Variants in EFNA4 observed in about 807,000 individuals in gnomAD.
The protein encoded by EFNA4 is ephrin-A4.
A neutral mutation model predicts 23.7 loss-of-function variants in EFNA4; 22 were observed. That is an observed-to-expected ratio of 0.93 (90% CI 0.66 to 1.32). The LOEUF is 1.32. Ranked by LOEUF, EFNA4 falls within the 40% of genes most tolerant of loss-of-function variation. The pLI is 0.00. For missense variants in EFNA4, 252 were observed against 252.3 expected, an observed-to-expected ratio of 1.00 and a Z score of 0.01; for synonymous variants, 113 against 108.3, an observed-to-expected ratio of 1.04 and a Z score of -0.27.
rs115929779 is a variant in EFNA4, at chr1:155,063,961, G to T, written c.113+25G>T. ...GGTAGCCGGGCCGAACCGGGCGAGC[G>T]CACAGCCAAGTCTGCGCGCTCCCGG... On this transcript the variant is annotated intron_variant, in intron 1 of 3. Transcript: ENST00000368409. This position sits in a 1 kb window ranked among gnomAD's most constrained non-coding sequence, Gnocchi z 4.1. The T allele has an allele frequency of 1.3e-5, 20 of 1,519,010 alleles. No homozygotes were observed. The South Asian group carries it at 2.2e-4, about 17-fold the overall frequency. The allele number at this position is 1,519,010 out of a possible 1,614,324, so 94.1% of individuals were successfully genotyped here.
At chr1:155,067,089 A>G (rs1456700254) in intron 2 of EFNA4, 73 bp downstream of exon 2, 72 of 1,514,422 alleles carry the variant, frequency 4.8e-5, no homozygotes, top group Non-Finnish European at 6.3e-5. Context: ...GAGGCCTGGA[A>G]GGAGGAGGGG....
Position 155,068,975 on chromosome 1 carries a change from C to G in EFNA4, c.592C>G (p.Leu198Val). Reference sequence around the variant, plus strand: ...ACTGCTGCTTCTGATTCTTCGTCTTCTGCGAATTCTGTGAGCCAAGCAGAC... The same window carrying G: ...ACTGCTGCTTCTGATTCTTCGTCTTGTGCGAATTCTGTGAGCCAAGCAGAC... The part of the protein sequence containing the change: ...LLLLLLILRL[L>V]RIL Residue 198 changes from leucine to valine, a missense_variant, in exon 4 of 4, where the codon CTG becomes GTG. By Grantham distance (32) the Leu-to-Val change is conservative. Transcript: ENST00000368409. 1 of 1,614,034 alleles carries G rather than the reference C, an allele frequency of 6.2e-7. No individual in the cohort carries two copies. The highest frequency in any genetic ancestry group is 8.5e-7 in the Non-Finnish European group (1 of 1,179,958).
chr1:155,066,803 G>A lies in EFNA4; in HGVS notation c.187G>A (p.Gly63Ser). ...YLDIVCPHYE[G>S]PGPPEGPETF... ...AGACATTGTCTGCCCCCACTACGAAGGCCCAGGGCCCCCTGAGGGCCCCGA... is the reference window on the plus strand; with the variant it reads ...AGACATTGTCTGCCCCCACTACGAAAGCCCAGGGCCCCCTGAGGGCCCCGA... The change falls in exon 2 of 4, where the codon GGC becomes AGC. Residue 63 changes from glycine (G) to serine (S), a missense_variant. Coordinates refer to ENST00000368409, the MANE Select transcript of EFNA4 (RefSeq NM_005227.3). The A allele has an allele frequency of 6.2e-7, 1 of 1,613,378 alleles. No individual in the cohort carries two copies. The highest frequency in any genetic ancestry group is 1.1e-5 in the South Asian group (1 of 91,006).
chr1:155,067,061 G>C lies in EFNA4; in HGVS notation c.400+45G>C, dbSNP rs746579109. ...CTGGACACCTCTTGTGTACCAGAAG[G>C]GTAGGGAGGGGGAAGGAGAGGCCTG... On this transcript the variant is annotated intron_variant, in intron 2 of 3. Coordinates refer to ENST00000368409, the MANE Select transcript of EFNA4 (RefSeq NM_005227.3). 1.8e-5 allele frequency: 28 copies of C among 1,552,556 alleles called. 1 individual carries two copies. The South Asian group carries it at 3.5e-4, about 19-fold the overall frequency.
At chr1:155,065,011 C>T (rs974431654) in intron 1 of EFNA4, among the ~76,000 whole-genome samples, 19 of 152,218 alleles carry the variant, frequency 1.2e-4, no homozygotes, top group African/African-American at 4.1e-4. Context: ...CAGACCAAAG[C>T]TTCTGAATCA....
At chr1:155,067,518 G>A (rs1345841346) in intron 3 of EFNA4, 78 bp downstream of exon 3, 3 of 1,537,648 alleles carry the variant, frequency 2.0e-6, no homozygotes, top group East Asian at 2.2e-5. Flanking sequence ...AAGAATCTAG[G>A]AGGATCAGAC....
chr1:155,066,337 C>T (rs1425711103), intron 1 of EFNA4, among the ~76,000 whole-genome samples: 14 of 152,234 alleles, frequency 9.2e-5, no homozygotes. Context: ...CCTCTCTGCC[C>T]AGCTTCTTCA....
Position 155,069,280 on chromosome 1 carries a change from A to G in EFNA4, c.*291A>G. On this transcript the variant is annotated 3_prime_UTR_variant, in exon 4 of 4. Transcript: ENST00000368409. ...CAGCCCATCCCCCAGGAGGACTGGGATTTGGTATGATCAAATCCTCAAGCC... is the reference window on the plus strand; with the variant it reads ...CAGCCCATCCCCCAGGAGGACTGGGGTTTGGTATGATCAAATCCTCAAGCC... 7.7e-7 allele frequency: 1 copy of G among 1,305,198 alleles called. No homozygotes were observed. Among genetic ancestry groups the G allele is most frequent in the South Asian group, 1.5e-5 (1 of 68,184 alleles). 80.9% of individuals were successfully genotyped at this position (1,305,198 alleles called of 1,614,324 possible).
At chr1:155,065,685 A>T (rs1663005393) in intron 1 of EFNA4, among the ~76,000 whole-genome samples, 1 of 146,190 alleles carries the variant, frequency 6.8e-6, no homozygotes, top group East Asian at 2.1e-4. Context: ...ACAGGAGTGC[A>T]CCACCACTCA....
Position 155,067,396 on chromosome 1 carries a change from G to C in EFNA4, c.425G>C (p.Gly142Ala). 1 of 1,614,196 alleles carries C rather than the reference G, an allele frequency of 6.2e-7. No homozygotes were observed. ...YISVPTPESS[G>A]QCLRLQVSVC... is the part of the protein sequence containing the mutation. ...GCGGTGCCCACTCCAGAGAGTTCTGGCCAGTGCTTGAGGCTCCAGGTGTCT... is the reference window on the plus strand; with the variant it reads ...GCGGTGCCCACTCCAGAGAGTTCTGCCCAGTGCTTGAGGCTCCAGGTGTCT... The change falls in exon 3 of 4, where the codon GGC (glycine) becomes GCC (alanine). Residue 142 changes from glycine (G) to alanine (A), a missense_variant. Coordinates refer to ENST00000368409, the MANE Select transcript of EFNA4 (RefSeq NM_005227.3).
At chr1:155,064,230 C>G (rs1288843133) in intron 1 of EFNA4, among the ~76,000 whole-genome samples, 2 of 152,244 alleles carry the variant, frequency 1.3e-5, no homozygotes, top group African/African-American at 4.8e-5. Flanking sequence ...CTCCGCCCCC[C>G]TCGCTGCTCT....
chr1:155,066,590 C>A, intron 1 of EFNA4, 140 bp from the exon 2 acceptor site: 1 of 999,570 alleles, frequency 1.0e-6, no homozygotes, highest in Non-Finnish European at 1.4e-6. Context: ...GTCTGGGAAC[C>A]TCGGGCCTTC....
chr1:155,065,218 A>G (rs1662981452), intron 1 of EFNA4, among the ~76,000 whole-genome samples: 1 of 152,192 alleles, frequency 6.6e-6, no homozygotes, highest in African/African-American at 2.4e-5. Flanking sequence ...GGGCTGGCTG[A>G]GCCCAGGAAT....
At position 155,068,846 on chromosome 1, in the gene EFNA4, C is replaced by T. The variant is rs747777205; in HGVS notation, c.470-7C>T. The T allele has an allele frequency of 3.1e-6, 5 of 1,609,280 alleles. No homozygotes were observed. In the Admixed American group the frequency reaches 5.0e-5, roughly 16 times the overall value. ...GACTGATCAGTGCTACCCCCTCCCCCTCACAGAGTCTGAGTCAGCCCATCC... is the reference window on the plus strand; with the variant it reads ...GACTGATCAGTGCTACCCCCTCCCCTTCACAGAGTCTGAGTCAGCCCATCC... On this transcript the variant is annotated splice_polypyrimidine_tract_variant and splice_region_variant and intron_variant, in intron 3 of 3. Transcript: ENST00000368409.
In EFNA4 at chr1:155,066,995, GGA is replaced by G; in HGVS notation, c.384_385del (p.Glu128AspfsTer31). The part of the protein sequence containing the change: ...PFSLGFEFLP[G>X]ETYYYISVPT... ...CTCCCTCGGCTTTGAGTTCTTACCT[GGA>G]GAGACTTACTACTACATCTGTGAGT... On this transcript the variant is annotated frameshift_variant, in exon 2 of 4. Transcript: ENST00000368409. LOFTEE classifies it high-confidence loss of function. 1 of 1,611,928 alleles carries G rather than the reference GGA, an allele frequency of 6.2e-7. No homozygotes were observed. The highest frequency in any genetic ancestry group is 8.5e-7 in the Non-Finnish European group (1 of 1,179,008).
chr1:155,064,076 G>C (rs1446673466), intron 1 of EFNA4, 140 bp downstream of exon 1: 5 of 652,318 alleles, frequency 7.7e-6, no homozygotes, highest in Admixed American at 4.3e-5. Flanking sequence ...CGGCGGGGGA[G>C]GGGGGAGGGG....
In EFNA4 at chr1:155,067,388, G is replaced by T. The variant is rs764267914; in HGVS notation, c.417G>T (p.Glu139Asp). The T allele has an allele frequency of 6.2e-7, 1 of 1,614,100 alleles. No homozygotes were observed. The highest frequency in any genetic ancestry group is 8.5e-7 in the Non-Finnish European group (1 of 1,180,040). ...ACTACCCAGCGGTGCCCACTCCAGA[G>T]AGTTCTGGCCAGTGCTTGAGGCTCC... ...TYYYISVPTP[E>D]SSGQCLRLQV... Residue 139 changes from glutamate (E) to aspartate (D), a missense_variant, in exon 3 of 4, where the codon GAG becomes GAT. Coordinates refer to ENST00000368409, the MANE Select transcript of EFNA4 (RefSeq NM_005227.3).
Position 155,063,833 on chromosome 1 carries a change from C to T in EFNA4, c.10C>T (p.Leu4=). Residue 4 remains leucine, a synonymous_variant, in exon 1 of 4, where the codon CTG becomes TTG. Coordinates refer to ENST00000368409, the MANE Select transcript of EFNA4 (RefSeq NM_005227.3). This position sits in a 1 kb window ranked among gnomAD's most constrained non-coding sequence, Gnocchi z 4.1. MRL[L]PLLRTVLWAA... is the part of the protein sequence containing the mutation. ...CCGGACCTCGGGGGCGATGCGGCTG[C>T]TGCCCCTGCTGCGGACTGTCCTCTG... 6.5e-7 allele frequency: 1 copy of T among 1,534,218 alleles called. No individual in the cohort carries two copies.
chr1:155,068,561 C>T (rs997625766), intron 3 of EFNA4, among the ~76,000 whole-genome samples: 15 of 148,586 alleles, frequency 1.0e-4, no homozygotes, highest in African/African-American at 3.7e-4. Flanking sequence ...GGATTACAGG[C>T]GTGAGCCATC....
Sources: gnomAD v4.1 joint callset for allele counts (sites outside exome capture counted in the v4.1 genomes callset) on GRCh38, gnomAD v4.1.1 for gene constraint, Gnocchi (gnomAD v3.1) non-coding constraint, MANE v1.5 for transcripts, NCBI Gene and HGNC (gene_info 2026-07-23, HGNC 2026-07-21) for gene names.